SORBS2: variants seen among roughly 807,000 people sequenced by gnomAD.
SORBS2 encodes the protein sorbin and SH3 domain containing 2.
In SORBS2, 46 loss-of-function variants were observed where a neutral mutation model predicts 97.7. The observed-to-expected ratio is 0.47, with a 90% CI of 0.37 to 0.60. The LOEUF (loss-of-function observed/expected upper bound fraction) is 0.60, where lower values mean the gene tolerates loss of function less well. Ranked by LOEUF, SORBS2 falls within the 20% of genes least tolerant of loss-of-function variation. The probability of loss-of-function intolerance (pLI) is 0.00; values close to 1 mark genes in which losing one functional copy is unlikely to be tolerated. For missense variants in SORBS2, 1,316 were observed against 1,282.3 expected, an observed-to-expected ratio of 1.03 and a Z score of -0.40; for synonymous variants, 476 against 473.4, an observed-to-expected ratio of 1.01 and a Z score of -0.07.
intron 2 of SORBS2, among the ~76,000 whole-genome samples, chr4:185,762,643 A>G (rs1319854875): frequency 6.6e-6 from 1 of 152,232 alleles, no homozygotes; most frequent in East Asian, 1.9e-4. Context: ...CAGTAATCTA[A>G]AAGACTTGTC....
At chr4:185,832,784 A>G (rs1350483240) in intron 1 of SORBS2, among the ~76,000 whole-genome samples, 1 of 152,170 alleles carries the variant, frequency 6.6e-6, no homozygotes, top group Non-Finnish European at 1.5e-5. Context: ...CCTGTGGAAA[A>G]AAGTGTATAT....
intron 1 of SORBS2, among the ~76,000 whole-genome samples, chr4:185,836,385 TA>T (rs2099208073): frequency 6.6e-6 from 1 of 152,204 alleles, no homozygotes; most frequent in Admixed American, 6.5e-5. Context: ...AAGGTCAGTT[TA>T]TAGGAGAGGT....
At chr4:185,596,530 C>CTTTTTTTTT (rs58831094) in intron 12 of SORBS2, among the ~76,000 whole-genome samples, 20 of 77,430 alleles carry the variant, frequency 2.6e-4, no homozygotes, top group African/African-American at 9.5e-4. Flanking sequence ...ACCGTCCTTG[C>CTTTTTTTTT]TTTTTTTTTT....
intron 2 of SORBS2, among the ~76,000 whole-genome samples, chr4:185,735,190 A>T (rs146701777): frequency 1.3e-5 from 2 of 152,094 alleles, no homozygotes; most frequent in African/African-American, 4.8e-5. Context: ...GCTGGTGGGA[A>T]CTTGCCAGGG....
chr4:185,745,121 A>G (rs997725433), intron 2 of SORBS2, among the ~76,000 whole-genome samples: 1 of 152,184 alleles, frequency 6.6e-6, no homozygotes, highest in African/African-American at 2.4e-5. Flanking sequence ...GTGGGCATAC[A>G]GGCAGTGAGT....
At chr4:185,596,476 C>T (rs533624770) in intron 12 of SORBS2, among the ~76,000 whole-genome samples, 2 of 151,286 alleles carry the variant, frequency 1.3e-5, no homozygotes, top group Non-Finnish European at 2.9e-5. Context: ...CTGGATCCCA[C>T]GTCCATGGCT....
intron 4 of SORBS2, among the ~76,000 whole-genome samples, chr4:185,641,774 A>C (rs1305709134): frequency 6.6e-6 from 1 of 151,784 alleles, no homozygotes; most frequent in Non-Finnish European, 1.5e-5. Flanking sequence ...AAAAAAAAAA[A>C]ACCCACCAGC....
At chr4:185,732,391 G>A (rs1277541619) in intron 2 of SORBS2, among the ~76,000 whole-genome samples, 3 of 152,186 alleles carry the variant, frequency 2.0e-5, no homozygotes, top group African/African-American at 7.2e-5. Flanking sequence ...TAAGTTCCAG[G>A]CTTATGTGGA....
intron 4 of SORBS2, among the ~76,000 whole-genome samples, chr4:185,633,358 G>C (rs924596184): frequency 2.0e-5 from 3 of 152,002 alleles, no homozygotes; most frequent in Non-Finnish European, 4.4e-5. Context: ...AAACTATAAT[G>C]TGAAATTAAT....
chr4:185,749,584 C>T (rs2098787197), intron 2 of SORBS2, among the ~76,000 whole-genome samples: 1 of 152,122 alleles, frequency 6.6e-6, no homozygotes, highest in Non-Finnish European at 1.5e-5. Flanking sequence ...ACTGTGTTAC[C>T]TTAGGGTATA....
intron 1 of SORBS2, among the ~76,000 whole-genome samples, chr4:185,781,706 TC>T (rs2099031809): frequency 6.9e-6 from 1 of 145,666 alleles, no homozygotes; most frequent in Middle Eastern, 3.4e-3. Context: ...GCCTCCGGCC[TC>T]TCCAGCCTCC....
At chr4:185,896,067 CA>C (rs1427408548) in intron 1 of SORBS2, among the ~76,000 whole-genome samples, 1 of 151,888 alleles carries the variant, frequency 6.6e-6, no homozygotes, top group African/African-American at 2.4e-5. Flanking sequence ...GCTCATAGGC[CA>C]AAAAAAGCTC....
chr4:185,591,083 TTC>T (rs1250662322), intron 13 of SORBS2, among the ~76,000 whole-genome samples: 3 of 140,836 alleles, frequency 2.1e-5, no homozygotes, highest in Non-Finnish European at 4.6e-5. Context: ...AACAAAACTA[TTC>T]TATCATTTAA....
intron 4 of SORBS2, 41 bp downstream of exon 16, chr4:185,635,314 T>C (rs1455852689): frequency 7.0e-7 from 1 of 1,420,782 alleles, no homozygotes; most frequent in Admixed American, 1.7e-5. Flanking sequence ...TCACAGCCTC[T>C]AAGGGAGATA....
intron 12 of SORBS2, among the ~76,000 whole-genome samples, chr4:185,610,767 T>C (rs1207837502): frequency 6.6e-6 from 1 of 152,164 alleles, no homozygotes; most frequent in Non-Finnish European, 1.5e-5. Context: ...CAGCTCTCGA[T>C]GGTTTAGCTT....
At chr4:185,949,272 G>A (rs958900055) in intron 1 of SORBS2, among the ~76,000 whole-genome samples, 1 of 152,230 alleles carries the variant, frequency 6.6e-6, no homozygotes, top group African/African-American at 2.4e-5. Flanking sequence ...AGGTGTCAGA[G>A]AATGAAAGTC....
chr4:185,780,291 A>T (rs2099021922), intron 1 of SORBS2, among the ~76,000 whole-genome samples: 1 of 152,156 alleles, frequency 6.6e-6, no homozygotes, highest in South Asian at 2.1e-4. Context: ...CTGGGATTAC[A>T]GGCGTGAGCC....
At chr4:185,770,975 C>CTTTTTTTTTTTTTT (rs747070975) in intron 2 of SORBS2, 6 of 72,728 alleles carry the variant, frequency 8.2e-5, no homozygotes, top group Admixed American at 1.9e-4. Context: ...TCATCGTTTC[C>CTTTTTTTTTTTTTT]TTTTTTTTTT....
At chr4:185,825,434 C>A (rs1321415367) in intron 1 of SORBS2, among the ~76,000 whole-genome samples, 1 of 152,114 alleles carries the variant, frequency 6.6e-6, no homozygotes, top group African/African-American at 2.4e-5. Context: ...AAAGAATCAC[C>A]TGATTTTAAT....
Sources: allele counts gnomAD v4.1 joint callset (sites outside exome capture counted in the v4.1 genomes callset), GRCh38; gene constraint gnomAD v4.1.1; transcripts MANE v1.5; gene names NCBI Gene and HGNC (gene_info 2026-07-23, HGNC 2026-07-21).